The following GAB1 variants were observed in gnomAD, a reference collection of about 807,000 sequenced individuals.
GAB1 encodes GRB2-associated-binding protein 1.
In GAB1, 19 loss-of-function variants were observed where a neutral mutation model predicts 66.5. The ratio of observed to expected loss-of-function variants is 0.29; its 90% confidence interval spans 0.20 to 0.42. GAB1 has a LOEUF of 0.42. Among genes scored for constraint, GAB1 ranks in the 10% least tolerant of loss-of-function variants. GAB1 has a pLI of 1.00. For missense variants in GAB1, 732 were observed against 858.5 expected (o/e 0.85, Z 1.84); for synonymous variants, 294 against 301.4 (o/e 0.98, Z 0.25).
chr4:143,347,343 C>G (rs995825847), intron 1 of GAB1, among the ~76,000 whole-genome samples: 1 of 152,122 alleles, frequency 6.6e-6, no homozygotes, highest in Non-Finnish European at 1.5e-5. Context: ...GCTTTTAATC[C>G]AGTTTTACTT....
At chr4:143,368,568 C>G (rs1353984169) in intron 1 of GAB1, among the ~76,000 whole-genome samples, 1 of 152,114 alleles carries the variant, frequency 6.6e-6, no homozygotes, top group Non-Finnish European at 1.5e-5. Flanking sequence ...TTGTAATATA[C>G]AAGTAGTTCT....
intron 1 of GAB1, among the ~76,000 whole-genome samples, chr4:143,364,939 G>A (rs1251780675): frequency 7.0e-6 from 1 of 143,834 alleles, no homozygotes; most frequent in Non-Finnish European, 1.5e-5. Flanking sequence ...GTGCAGTGGC[G>A]CTATCTCGGG....
intron 1 of GAB1, among the ~76,000 whole-genome samples, chr4:143,411,059 G>A (rs1732359685): frequency 6.6e-6 from 1 of 152,066 alleles, no homozygotes; most frequent in South Asian, 2.1e-4. Context: ...AGGCAGGACA[G>A]AGCAGAGTGT....
chr4:143,461,282 A>G (rs983133661), intron 8 of GAB1, among the ~76,000 whole-genome samples: 15 of 152,236 alleles, frequency 9.9e-5, no homozygotes, highest in African/African-American at 2.9e-4. Flanking sequence ...GAAAATAAAT[A>G]TTTGTGACTC....
chr4:143,337,377 C>A, intron 1 of GAB1, 117 bp downstream of exon 1: 1 of 852,952 alleles, frequency 1.2e-6, no homozygotes. Context: ...GAATGCCGGT[C>A]TCTTTCCCCT....
At chr4:143,338,885 A>G (rs1348041191) in intron 1 of GAB1, among the ~76,000 whole-genome samples, 1 of 152,240 alleles carries the variant, frequency 6.6e-6, no homozygotes, top group Non-Finnish European at 1.5e-5. Context: ...ATTCTTTCAC[A>G]TGGTTAGTTC....
rs773589380 is a variant in GAB1, at chr4:143,337,272, T to A, written c.72+12T>A. 2 of 1,568,670 alleles carry A rather than the reference T, an allele frequency of 1.3e-6. No individual in the cohort carries two copies. Among genetic ancestry groups the A allele is most frequent in the Non-Finnish European group, 8.7e-7 (1 of 1,155,784 alleles). ...AGTTGAAGCGTTATGTAAGTAGAGC[T>A]GCGGGCACCACTCCGCGGGCCTCGG... is the stretch of plus-strand genomic sequence containing the variant. On this transcript the variant is annotated intron_variant, in intron 1 of 9. Coordinates refer to ENST00000262994, the MANE Select transcript of GAB1 (RefSeq NM_002039.4).
At chr4:143,411,622 A>G (rs1732395764) in intron 1 of GAB1, among the ~76,000 whole-genome samples, 1 of 152,180 alleles carries the variant, frequency 6.6e-6, no homozygotes, top group Admixed American at 6.5e-5. Flanking sequence ...AAATAGGACA[A>G]ACTTTAAGAA....
At chr4:143,366,177 T>G (rs1251044838) in intron 1 of GAB1, among the ~76,000 whole-genome samples, 2 of 152,220 alleles carry the variant, frequency 1.3e-5, no homozygotes, top group African/African-American at 4.8e-5. Context: ...GCTCTGAAAT[T>G]CAGTAATTCT....
intron 1 of GAB1, among the ~76,000 whole-genome samples, chr4:143,375,277 CT>C (rs1936285810): frequency 6.6e-6 from 1 of 152,206 alleles, no homozygotes; most frequent in Non-Finnish European, 1.5e-5. Flanking sequence ...TGGGACTAAA[CT>C]TTTCTAGCTG....
At position 143,447,422 on chromosome 4, in the gene GAB1, G is replaced by A. The variant is rs368875353; in HGVS notation, c.1585+7040G>A. Reference sequence around the variant, plus strand: ...TTTCACGATATTGATTCTTCCTACCGATGAGCATGGAATGTTCTTCCATTT... The same window carrying A: ...TTTCACGATATTGATTCTTCCTACCAATGAGCATGGAATGTTCTTCCATTT... On this transcript the variant is annotated intron_variant, in intron 6 of 9. Transcript: ENST00000262994. Among the ~76,000 whole-genome samples the A allele has an allele frequency of 3.6e-3, 552 of 152,118 alleles. 4 individuals are homozygous for A. The highest frequency in any genetic ancestry group is 0.012 in the African/African-American group (507 of 41,540).
chr4:143,406,089 A>G (rs1035269419), intron 1 of GAB1, among the ~76,000 whole-genome samples: 8 of 152,170 alleles, frequency 5.3e-5, no homozygotes, highest in African/African-American at 1.9e-4. Flanking sequence ...CCCAGGACTG[A>G]GCCATTTTCT....
chr4:143,408,151 C>T (rs1348784023), intron 1 of GAB1, among the ~76,000 whole-genome samples: 4 of 152,014 alleles, frequency 2.6e-5, no homozygotes, highest in Middle Eastern at 3.2e-3. Context: ...ACATGTATCC[C>T]GGAATTCTAT....
intron 1 of GAB1, among the ~76,000 whole-genome samples, chr4:143,376,237 G>T (rs1489774974): frequency 6.6e-6 from 1 of 152,188 alleles, no homozygotes; most frequent in Non-Finnish European, 1.5e-5. Flanking sequence ...TTTAGGGCTT[G>T]TAGGGTTATT....
In GAB1 at chr4:143,344,852, C is replaced by T. The variant is rs375649780; in HGVS notation, c.72+7592C>T. Among the ~76,000 whole-genome samples, 8 of 152,264 alleles carry T rather than the reference C, an allele frequency of 5.3e-5. No individual in the cohort carries two copies. In the East Asian group the frequency reaches 9.6e-4, roughly 18 times the overall value. On this transcript the variant is annotated intron_variant, in intron 1 of 9. Coordinates refer to ENST00000262994, the MANE Select transcript of GAB1 (RefSeq NM_002039.4). ...CGAAGTTCTCCCTAGTTTAAAAGGT[C>T]GCATTACTGAATAAAGTACACTATA... is the stretch of plus-strand genomic sequence containing the variant.
intron 2 of GAB1, among the ~76,000 whole-genome samples, chr4:143,421,353 T>C (rs1326384348): frequency 1.3e-5 from 2 of 152,270 alleles, no homozygotes; most frequent in East Asian, 3.9e-4. Flanking sequence ...AAAGCTGTAG[T>C]GAACATTTCT....
rs1044127820 is a variant in GAB1, at chr4:143,469,749, G to A, written c.*560G>A. Reference sequence around the variant, plus strand: ...AATGCTGAGGATAATGTATGTACTGGTGTCAGGACCTAGTTCTCTGGTTAA... The same window carrying A: ...AATGCTGAGGATAATGTATGTACTGATGTCAGGACCTAGTTCTCTGGTTAA... On this transcript the variant is annotated 3_prime_UTR_variant, in exon 10 of 10. Coordinates refer to ENST00000262994, the MANE Select transcript of GAB1 (RefSeq NM_002039.4). 2 of 152,928 alleles carry A rather than the reference G, an allele frequency of 1.3e-5. No individual in the cohort carries two copies. Among genetic ancestry groups the A allele is most frequent in the Admixed American group, 6.5e-5 (1 of 15,338 alleles). 9.5% of individuals were successfully genotyped at this position (152,928 alleles called of 1,614,324 possible). A position where few individuals can be genotyped will look rare whatever the true frequency, so the allele number is the denominator to read the frequency against.
intron 1 of GAB1, among the ~76,000 whole-genome samples, chr4:143,368,728 G>C (rs1016063623): frequency 1.3e-5 from 2 of 151,874 alleles, no homozygotes; most frequent in African/African-American, 4.8e-5. Flanking sequence ...TCTTTTGTTT[G>C]CTTGCTGCGA....
chr4:143,457,418 G>T (rs191778119), intron 6 of GAB1, among the ~76,000 whole-genome samples: 1 of 151,982 alleles, frequency 6.6e-6, no homozygotes, highest in Non-Finnish European at 1.5e-5. Flanking sequence ...GCTGGTTATC[G>T]CACTAAAATC....
Sources: gnomAD v4.1 joint callset for allele counts (sites outside exome capture counted in the v4.1 genomes callset) on GRCh38, gnomAD v4.1.1 for gene constraint, MANE v1.5 for transcripts, NCBI Gene and HGNC (gene_info 2026-07-23, HGNC 2026-07-21) for gene names.